Variants in IGF2BP2 observed in about 807,000 individuals in gnomAD.
IGF2BP2 encodes the protein insulin-like growth factor 2 mRNA-binding protein 2.
In IGF2BP2, 17 loss-of-function variants were observed where a neutral mutation model predicts 75.8. That is an observed-to-expected ratio of 0.22 (90% CI 0.15 to 0.34). The LOEUF (loss-of-function observed/expected upper bound fraction) is 0.34. Ranked by LOEUF, IGF2BP2 falls within the 10% of genes least tolerant of loss-of-function variation. IGF2BP2 has a pLI of 1.00. For synonymous variants in IGF2BP2, 288 were observed against 295.6 expected (o/e 0.97, Z 0.26); for missense variants, 516 against 772.4 (o/e 0.67, Z 3.93).
intron 2 of IGF2BP2, among the ~76,000 whole-genome samples, chr3:185,787,489 T>A (rs1358652139): frequency 6.6e-6 from 1 of 152,174 alleles, no homozygotes; most frequent in Non-Finnish European, 1.5e-5. Context: ...TCCCTGCACT[T>A]TGGGAGGCCG....
chr3:185,676,676 AAAC>A (rs1227028067), intron 7 of IGF2BP2, among the ~76,000 whole-genome samples: 4 of 149,086 alleles, frequency 2.7e-5, no homozygotes, highest in Admixed American at 6.7e-5. Flanking sequence ...CCCTGTCTAA[AAAC>A]AACAACTATA....
At position 185,645,648 on chromosome 3, in the gene IGF2BP2, G is replaced by C. The variant is rs780639091; in HGVS notation, c.1708-25C>G. On this transcript the variant is annotated intron_variant, in intron 15 of 15. Transcript: ENST00000382199. The surrounding 1 kb of genome is among the most constrained non-coding windows in gnomAD (Gnocchi z 4.9). ...TCTGCAGCAAGGGAGAGAAGGGAGAGGAAGGGACAGGGGAAAAAAGGAACC... is the reference window on the plus strand; with the variant it reads ...TCTGCAGCAAGGGAGAGAAGGGAGACGAAGGGACAGGGGAAAAAAGGAACC... 3 of 1,589,166 alleles carry C rather than the reference G, an allele frequency of 1.9e-6. No homozygotes were observed. The highest frequency in any genetic ancestry group is 1.7e-6 in the Non-Finnish European group (2 of 1,157,370).
intron 6 of IGF2BP2, among the ~76,000 whole-genome samples, chr3:185,688,758 T>C (rs940117766): frequency 6.6e-6 from 1 of 152,216 alleles, no homozygotes; most frequent in Non-Finnish European, 1.5e-5. Context: ...CGTAAGTCTT[T>C]GTTTTCAAGT....
At chr3:185,715,131 G>A (rs536869431) in intron 2 of IGF2BP2, among the ~76,000 whole-genome samples, 7 of 152,334 alleles carry the variant, frequency 4.6e-5, no homozygotes, top group African/African-American at 1.7e-4. Context: ...ACGCTCTGAG[G>A]AATGGAAGGC....
chr3:185,721,311 C>T (rs965116040), intron 2 of IGF2BP2, among the ~76,000 whole-genome samples: 2 of 152,070 alleles, frequency 1.3e-5, no homozygotes, highest in Non-Finnish European at 1.5e-5. Flanking sequence ...AAACAATTCT[C>T]GTGCCTCAGC....
intron 2 of IGF2BP2, among the ~76,000 whole-genome samples, chr3:185,715,146 T>A (rs1210122892): frequency 1.3e-5 from 2 of 152,138 alleles, no homozygotes; most frequent in African/African-American, 4.8e-5. Flanking sequence ...GAAGGCAGAA[T>A]ACGCCAATGG....
chr3:185,824,175 G>T lies in IGF2BP2; in HGVS notation c.178+608C>A, dbSNP rs376675587. Among the ~76,000 whole-genome samples, 14 of 151,834 alleles carry T rather than the reference G, an allele frequency of 9.2e-5. No individual in the cohort carries two copies. The East Asian group carries it at 2.0e-3, about 21-fold the overall frequency. ...GTGCCGTCGTGCGAGGGCTGGGGCT[G>T]GGGGAGCCCCGAGATCTCGAAGGGG... is the stretch of plus-strand genomic sequence containing the variant. On this transcript the variant is annotated intron_variant, in intron 1 of 15. Coordinates refer to ENST00000382199, the MANE Select transcript of IGF2BP2 (RefSeq NM_006548.6).
intron 2 of IGF2BP2, among the ~76,000 whole-genome samples, chr3:185,723,202 G>C (rs990997647): frequency 1.3e-5 from 2 of 152,116 alleles, no homozygotes; most frequent in African/African-American, 4.8e-5. Context: ...TCCACATTAG[G>C]GGCACAATCA....
chr3:185,707,295 C>CTTTTTTTTTTTTTT (rs1159568857), intron 2 of IGF2BP2, among the ~76,000 whole-genome samples: 1 of 39,846 alleles, frequency 2.5e-5, no homozygotes, highest in Non-Finnish European at 4.4e-5. Flanking sequence ...AACGAAGGGG[C>CTTTTTTTTTTTTTT]TTTTTTTTTT....
Position 185,676,866 on chromosome 3 carries a change from G to GAT in IGF2BP2, c.813-955_813-954dup, listed in dbSNP as rs199619288. Reference sequence around the variant, plus strand: ...TGGAGATATATATATATATTTACTGGATATATATATATGGAGATGTATATA... The same window carrying GAT: ...TGGAGATATATATATATATTTACTGGATATATATATATATGGAGATGTATATA... On this transcript the variant is annotated intron_variant, in intron 7 of 15. Transcript: ENST00000382199. Among the ~76,000 whole-genome samples the GAT allele has an allele frequency of 3.6e-4, 47 of 129,216 alleles. 1 individual carries two copies. The highest frequency in any genetic ancestry group is 9.1e-4 in the African/African-American group (33 of 36,106). 84.8% of individuals were successfully genotyped at this position (129,216 alleles called of 152,430 possible). A position where few individuals can be genotyped will look rare whatever the true frequency, so the allele number is the denominator to read the frequency against.
At chr3:185,824,687 C>T (rs1741810261) in intron 1 of IGF2BP2, 96 bp downstream of exon 1, 3 of 983,730 alleles carry the variant, frequency 3.0e-6, no homozygotes, top group South Asian at 5.1e-5. Flanking sequence ...GCGGGAGCCG[C>T]CGCCGGGCGC....
intron 7 of IGF2BP2, among the ~76,000 whole-genome samples, chr3:185,677,068 T>TATATATATATATATATATATAG: frequency 2.0e-4 from 7 of 35,860 alleles, no homozygotes; most frequent in African/African-American, 3.1e-4. Flanking sequence ...TATATATATA[T>TATATATATATATATATATATAG]AGAGAGAGAG....
At chr3:185,651,650 A>G (rs566311793) in intron 13 of IGF2BP2, among the ~76,000 whole-genome samples, 2 of 152,378 alleles carry the variant, frequency 1.3e-5, no homozygotes, top group Middle Eastern at 6.8e-3. Flanking sequence ...AGCTCGAGTT[A>G]TAATTTTCCT....
chr3:185,811,509 C>T (rs1739820202), intron 2 of IGF2BP2, among the ~76,000 whole-genome samples: 1 of 152,140 alleles, frequency 6.6e-6, no homozygotes, highest in South Asian at 2.1e-4. Flanking sequence ...TGAATTGTTG[C>T]CAATATTTAA....
At chr3:185,677,231 A>C (rs1719696544) in intron 7 of IGF2BP2, among the ~76,000 whole-genome samples, 1 of 151,674 alleles carries the variant, frequency 6.6e-6, no homozygotes, top group Non-Finnish European at 1.5e-5. Flanking sequence ...TTGGGACAGA[A>C]ACAAAGACTG....
Position 185,707,295 on chromosome 3 carries a change from C to CTTTTTTTTTTTT in IGF2BP2, c.240-8960_240-8949dup, listed in dbSNP as rs1159568857. Among the ~76,000 whole-genome samples the CTTTTTTTTTTTT allele has an allele frequency of 1.5e-4, 6 of 39,854 alleles. 1 individual carries two copies. The highest frequency in any genetic ancestry group is 6.7e-4 in the African/African-American group (6 of 8,906). 26.1% of individuals were successfully genotyped at this position (39,854 alleles called of 152,430 possible). On this transcript the variant is annotated intron_variant, in intron 2 of 15. Transcript: ENST00000382199. ...TTATATTCAGTGTGTAACGAAGGGG[C>CTTTTTTTTTTTT]TTTTTTTTTTTTTTTTTTTTTTTTT... is the stretch of plus-strand genomic sequence containing the variant.
chr3:185,784,350 C>G (rs1735597873), intron 2 of IGF2BP2, among the ~76,000 whole-genome samples: 1 of 152,206 alleles, frequency 6.6e-6, no homozygotes. Context: ...GGGCATCCTG[C>G]TCTGAAGAGA....
In IGF2BP2 at chr3:185,781,978, G is replaced by A. The variant is rs145635887; in HGVS notation, c.239+41175C>T. ...ACTTGAAATATTTTTTTTTAGAATT[G>A]GGCAGAATATATATATTGTTTAAAA... On this transcript the variant is annotated intron_variant, in intron 2 of 15. Transcript: ENST00000382199. Among the ~76,000 whole-genome samples the A allele has an allele frequency of 1.1e-4, 16 of 151,896 alleles. No individual in the cohort carries two copies. In the East Asian group the frequency reaches 2.9e-3, roughly 27 times the overall value.
chr3:185,747,645 C>T (rs186884666), intron 2 of IGF2BP2, among the ~76,000 whole-genome samples: 130 of 151,776 alleles, frequency 8.6e-4, no homozygotes, highest in African/African-American at 3.0e-3. Flanking sequence ...CACCATTGCA[C>T]GCCAGCCTGG....
Sources: allele counts gnomAD v4.1 joint callset (sites outside exome capture counted in the v4.1 genomes callset), GRCh38; gene constraint gnomAD v4.1.1; non-coding constraint Gnocchi (gnomAD v3.1); transcripts MANE v1.5; gene names NCBI Gene and HGNC (gene_info 2026-07-23, HGNC 2026-07-21).